Variants in STON2 observed in about 807,000 individuals in gnomAD.
STON2 encodes stonin-2.
STON2 carries 29 observed loss-of-function variants against 65.7 expected under a neutral mutation model. The ratio of observed to expected loss-of-function variants is 0.44; its 90% CI spans 0.33 to 0.60. The LOEUF (loss-of-function observed/expected upper bound fraction) is 0.60, where lower values mean the gene tolerates loss of function less well. Among genes scored for constraint, STON2 ranks in the 20% least tolerant of loss-of-function variants. STON2 has a pLI of 0.03. For missense variants in STON2, 1,054 were observed against 1,118.1 expected, an observed-to-expected ratio of 0.94 and a Z score of 0.82; for synonymous variants, 404 against 414.2, an observed-to-expected ratio of 0.98 and a Z score of 0.30.
chr14:81,276,994 G>A lies in STON2; in HGVS notation c.2488C>T (p.Pro830Ser), dbSNP rs759008705. 5 of 1,614,186 alleles carry A rather than the reference G, an allele frequency of 3.1e-6. No homozygotes were observed. In the South Asian group the frequency reaches 5.5e-5, roughly 18 times the overall value. The change falls in exon 6 of 8, where the codon CCT becomes TCT. Residue 830 changes from proline to serine, a missense_variant. Physicochemically the swap from Pro to Ser is moderately conservative, Grantham distance 74. Transcript: ENST00000614646. ...GTTCCCAGAGTTACTCTCATGACAGGCTCAGAGCCAGAAACACTAGTGGAG... is the reference window on the plus strand; with the variant it reads ...GTTCCCAGAGTTACTCTCATGACAGACTCAGAGCCAGAAACACTAGTGGAG... ...FGSTSVSGSE[P>S]VMRVTLGTAK...
In STON2 at chr14:81,264,846, T is replaced by C. The variant is rs1468470264; in HGVS notation, c.*3568A>G. ...CTGCAAGAGCAGGCAAGGGGGATCA[T>C]CTAATGGTCTCCCCACAAAGTGCCT... On this transcript the variant is annotated 3_prime_UTR_variant, in exon 8 of 8. Coordinates refer to ENST00000614646, the MANE Select transcript of STON2 (RefSeq NM_001394390.1). 7 of 985,292 alleles carry C rather than the reference T, an allele frequency of 7.1e-6. No individual in the cohort carries two copies. Among genetic ancestry groups the C allele is most frequent in the South Asian group, 4.7e-5 (1 of 21,288 alleles). 61.0% of individuals were successfully genotyped at this position (985,292 alleles called of 1,614,324 possible).
At chr14:81,270,290 G>T in intron 7 of STON2, 1 of 838,504 alleles carries the variant, frequency 1.2e-6, no homozygotes, top group Non-Finnish European at 1.5e-6. Flanking sequence ...TCGCCATGTT[G>T]GCCAGGCTGG....
In STON2 at chr14:81,267,320, A is replaced by G. The variant is rs768942111; in HGVS notation, c.*1094T>C. The stretch of plus-strand genomic sequence containing the variant: ...GCTTTTCCACGTCTCTACCCTAGAG[A>G]TGCCTTTTCAATCCAATCCAATACT... On this transcript the variant is annotated 3_prime_UTR_variant, in exon 8 of 8. Coordinates refer to ENST00000614646, the MANE Select transcript of STON2 (RefSeq NM_001394390.1). The G allele has an allele frequency of 4.1e-6, 4 of 985,398 alleles. No homozygotes were observed. The highest frequency in any genetic ancestry group is 4.8e-6 in the Non-Finnish European group (4 of 829,908). The allele number at this position is 985,398 out of a possible 1,614,324, so 61.0% of individuals were successfully genotyped here.
chr14:81,341,692 T>C (rs1462262568), intron 4 of STON2, among the ~76,000 whole-genome samples: 4 of 152,178 alleles, frequency 2.6e-5, no homozygotes, highest in Non-Finnish European at 5.9e-5. Context: ...TTTCAGACTC[T>C]TCTAGATAGT....
intron 6 of STON2, among the ~76,000 whole-genome samples, chr14:81,271,589 G>C (rs1370594386): frequency 6.6e-6 from 1 of 152,186 alleles, no homozygotes; most frequent in African/African-American, 2.4e-5. Context: ...GTACAACAGG[G>C]TGGGCTGGGC....
In STON2 at chr14:81,267,369, G is replaced by T. The variant is rs1894397848; in HGVS notation, c.*1045C>A. On this transcript the variant is annotated 3_prime_UTR_variant, in exon 8 of 8. Transcript: ENST00000614646. ...CTGTGATTATCAAACTCTGAATTTT[G>T]GGGGAAAGCTCATTCAAGCTTAATT... 1 of 985,162 alleles carries T rather than the reference G, an allele frequency of 1.0e-6. No homozygotes were observed. The highest frequency in any genetic ancestry group is 6.2e-5 in the Admixed American group (1 of 16,250). 61.0% of individuals were successfully genotyped at this position (985,162 alleles called of 1,614,324 possible).
At chr14:81,273,796 C>T (rs538136961) in intron 6 of STON2, among the ~76,000 whole-genome samples, 1 of 152,274 alleles carries the variant, frequency 6.6e-6, no homozygotes, top group South Asian at 2.1e-4. Flanking sequence ...GTTTGACTGC[C>T]CTGCCCACTG....
At chr14:81,394,257 T>A (rs998327771) in intron 3 of STON2, among the ~76,000 whole-genome samples, 1 of 152,204 alleles carries the variant, frequency 6.6e-6, no homozygotes, top group African/African-American at 2.4e-5. Flanking sequence ...CAAATTATTA[T>A]GTAAAAATAT....
At position 81,365,524 on chromosome 14, in the gene STON2, G is replaced by C. The variant is rs58014838; in HGVS notation, c.571+5464C>G. Among the ~76,000 whole-genome samples the C allele has an allele frequency of 4.6e-5, 7 of 152,246 alleles. No individual in the cohort carries two copies. In the East Asian group the frequency reaches 1.4e-3, roughly 29 times the overall value. On this transcript the variant is annotated intron_variant, in intron 4 of 7. Transcript: ENST00000614646. Reference sequence around the variant, plus strand: ...TAATCTCAGCACTTTGGGAGGCCGAGGTGGGCAGATCACTTGAGGTTAGGA... The same window carrying C: ...TAATCTCAGCACTTTGGGAGGCCGACGTGGGCAGATCACTTGAGGTTAGGA...
chr14:81,381,815 CCTA>C (rs1899532882), intron 3 of STON2, among the ~76,000 whole-genome samples: 1 of 152,112 alleles, frequency 6.6e-6, no homozygotes, highest in South Asian at 2.1e-4. Flanking sequence ...CAATTCCCAT[CCTA>C]CTTTTTTATA....
chr14:81,369,235 G>A (rs953017164), intron 4 of STON2, among the ~76,000 whole-genome samples: 2 of 151,998 alleles, frequency 1.3e-5, no homozygotes, highest in African/African-American at 2.4e-5. Flanking sequence ...TCTGCTTCCC[G>A]CCAGGACCCC....
chr14:81,276,590 G>A (rs1207108624), intron 6 of STON2, among the ~76,000 whole-genome samples: 2 of 152,158 alleles, frequency 1.3e-5, no homozygotes, highest in Admixed American at 6.5e-5. Flanking sequence ...CAGCTAATAC[G>A]TTAATGAGTC....
In STON2 at chr14:81,261,586, C is replaced by T. The variant is rs1011131605; in HGVS notation, c.*6828G>A. ...TTTCTCTCATCTGGTTTTGCCATAA[C>T]TTACAAATAGTCCCAGGATGTTTAC... On this transcript the variant is annotated 3_prime_UTR_variant, in exon 8 of 8. Transcript: ENST00000614646. 2.5e-5 allele frequency: 12 copies of T among 487,956 alleles called. No homozygotes were observed. Among genetic ancestry groups the T allele is most frequent in the South Asian group, 1.8e-4 (2 of 10,962 alleles). 30.2% of individuals were successfully genotyped at this position (487,956 alleles called of 1,614,324 possible). A position where few individuals can be genotyped will look rare whatever the true frequency, so the allele number is the denominator to read the frequency against.
intron 5 of STON2, among the ~76,000 whole-genome samples, chr14:81,301,470 A>G (rs1334559757): frequency 6.6e-6 from 1 of 152,226 alleles, no homozygotes; most frequent in Non-Finnish European, 1.5e-5. Context: ...AATACAACAC[A>G]AAGTGTTCTT....
chr14:81,366,474 G>A (rs1038148926), intron 4 of STON2, among the ~76,000 whole-genome samples: 8 of 152,104 alleles, frequency 5.3e-5, no homozygotes, highest in Admixed American at 4.6e-4. Flanking sequence ...GTGCTGCCAG[G>A]GAGAGCCCAG....
At chr14:81,433,959 T>A (rs1221185915) in intron 1 of STON2, among the ~76,000 whole-genome samples, 1 of 152,190 alleles carries the variant, frequency 6.6e-6, no homozygotes, top group Non-Finnish European at 1.5e-5. Context: ...CTACCTTGTT[T>A]CCAATCCCAC....
At chr14:81,355,048 A>G (rs1438408579) in intron 4 of STON2, among the ~76,000 whole-genome samples, 2 of 152,168 alleles carry the variant, frequency 1.3e-5, no homozygotes, top group African/African-American at 4.8e-5. Flanking sequence ...GGAAGAAAGA[A>G]TGAGTGAGCT....
Position 81,266,921 on chromosome 14 carries a change from A to G in STON2, c.*1493T>C, listed in dbSNP as rs1022918526. 1.0e-6 allele frequency: 1 copy of G among 983,878 alleles called. No individual in the cohort carries two copies. The highest frequency in any genetic ancestry group is 1.7e-5 in the African/African-American group (1 of 57,214). 60.9% of individuals were successfully genotyped at this position (983,878 alleles called of 1,614,324 possible). On this transcript the variant is annotated 3_prime_UTR_variant, in exon 8 of 8. Coordinates refer to ENST00000614646, the MANE Select transcript of STON2 (RefSeq NM_001394390.1). ...AGGGTTTCTCATTAATGCCTATTCA[A>G]TCATCATTTTACTTTCAGTCTTAGT...
intron 4 of STON2, among the ~76,000 whole-genome samples, chr14:81,344,481 A>T (rs1897737717): frequency 6.6e-6 from 1 of 152,208 alleles, no homozygotes; most frequent in Non-Finnish European, 1.5e-5. Flanking sequence ...TCAATTAACA[A>T]TGTAATTGGG....
Sources: allele counts gnomAD v4.1 joint callset (sites outside exome capture counted in the v4.1 genomes callset), GRCh38; gene constraint gnomAD v4.1.1; transcripts MANE v1.5; gene names NCBI Gene and HGNC (gene_info 2026-07-23, HGNC 2026-07-21).